Variants in CTNNA3 observed in about 807,000 individuals in gnomAD.
CTNNA3 encodes the protein catenin alpha 3, also known as catenin alpha-3.
In CTNNA3, 76 loss-of-function variants were observed where a neutral mutation model predicts 95.7. The ratio of observed to expected loss-of-function variants is 0.79; its 90% CI spans 0.66 to 0.96. The LOEUF is 0.96. Ranked by LOEUF, CTNNA3 falls within the 40% of genes least tolerant of loss-of-function variation. The pLI is 0.00. For missense variants in CTNNA3, 1,191 were observed against 1,089.8 expected (o/e 1.09, Z -1.31); for synonymous variants, 431 against 374.4 (o/e 1.15, Z -1.74).
At chr10:66,174,281 A>G (rs940402178) in intron 13 of CTNNA3, among the ~76,000 whole-genome samples, 5 of 152,150 alleles carry the variant, frequency 3.3e-5, no homozygotes, top group African/African-American at 1.2e-4. Context: ...AGTTTGGAAA[A>G]TGGTAAAATA....
intron 7 of CTNNA3, among the ~76,000 whole-genome samples, chr10:67,076,644 T>C (rs1399525938): frequency 1.3e-5 from 2 of 152,098 alleles, no homozygotes; most frequent in Admixed American, 1.3e-4. Flanking sequence ...AAACCAAAGA[T>C]AAATAAGGCA....
At chr10:66,320,771 A>G (rs1266966385) in intron 12 of CTNNA3, among the ~76,000 whole-genome samples, 1 of 152,162 alleles carries the variant, frequency 6.6e-6, no homozygotes, top group Non-Finnish European at 1.5e-5. Context: ...CACCATAAAA[A>G]AGAGAAAATA....
intron 7 of CTNNA3, among the ~76,000 whole-genome samples, chr10:66,785,515 G>A (rs1159954420): frequency 6.6e-6 from 1 of 152,096 alleles, no homozygotes; most frequent in Non-Finnish European, 1.5e-5. Context: ...TGCCCTCAGA[G>A]CTCTCCTGGT....
chr10:67,121,167 T>C (rs1859445790), intron 7 of CTNNA3, among the ~76,000 whole-genome samples: 1 of 152,060 alleles, frequency 6.6e-6, no homozygotes, highest in African/African-American at 2.4e-5. Flanking sequence ...TGGTCAATTC[T>C]GTCATAAAGC....
chr10:66,312,559 T>A (rs2092036076), intron 12 of CTNNA3, among the ~76,000 whole-genome samples: 1 of 151,988 alleles, frequency 6.6e-6, no homozygotes. Context: ...AGATTGTTTT[T>A]TTTTTTTAGA....
At chr10:66,555,642 T>C in intron 10 of CTNNA3, among the ~76,000 whole-genome samples, 1 of 152,128 alleles carries the variant, frequency 6.6e-6, no homozygotes, top group East Asian at 1.9e-4. Flanking sequence ...AAGGTGATAT[T>C]TTAAGCAATA....
chr10:67,309,318 A>G (rs769391326), intron 5 of CTNNA3, among the ~76,000 whole-genome samples: 1 of 152,192 alleles, frequency 6.6e-6, no homozygotes, highest in Non-Finnish European at 1.5e-5. Flanking sequence ...GTGAAATACT[A>G]TGTCATCTTA....
At chr10:66,780,409 A>G (rs76295962) in intron 7 of CTNNA3, among the ~76,000 whole-genome samples, 97,859 of 151,432 alleles carry the variant, frequency 0.65, 31,817 homozygotes, top group East Asian at 0.76. Flanking sequence ...TCTATAATAG[A>G]GTAACCTGGG....
intron 7 of CTNNA3, among the ~76,000 whole-genome samples, chr10:66,915,776 G>T (rs557790525): frequency 6.9e-6 from 1 of 144,468 alleles, no homozygotes; most frequent in African/African-American, 2.6e-5. Flanking sequence ...TTTAGATGGA[G>T]CCTCGCTCTG....
chr10:66,729,900 C>T lies in CTNNA3; in HGVS notation c.1281+36364G>A, dbSNP rs1466730241. Among the ~76,000 whole-genome samples, 5 of 150,668 alleles carry T rather than the reference C, an allele frequency of 3.3e-5. No homozygotes were observed. In the East Asian group the frequency reaches 7.8e-4, roughly 24 times the overall value. ...CGGGCGGATCACGAGGTCAGGAGAT[C>T]GAGACCATCCTGGCTAATGCGGTGA... is the stretch of plus-strand genomic sequence containing the variant. On this transcript the variant is annotated intron_variant, in intron 9 of 17. Transcript: ENST00000433211.
intron 9 of CTNNA3, among the ~76,000 whole-genome samples, chr10:66,737,865 G>T (rs376472436): frequency 1.3e-5 from 2 of 151,984 alleles, no homozygotes; most frequent in Admixed American, 1.3e-4. Context: ...CACCATGTTG[G>T]CCAGGATAGT....
chr10:67,530,026 A>T (rs1840279453), intron 4 of CTNNA3, among the ~76,000 whole-genome samples: 1 of 152,192 alleles, frequency 6.6e-6, no homozygotes, highest in South Asian at 2.1e-4. Context: ...CATCCACATC[A>T]GATGTGACTT....
Position 66,352,331 on chromosome 10 carries a change from A to T in CTNNA3, c.1732+26821T>A, listed in dbSNP as rs534842764. 2.6e-5 allele frequency among the ~76,000 whole-genome samples: 4 copies of T among 152,234 alleles called. No individual in the cohort carries two copies. In the South Asian group the frequency reaches 8.3e-4, roughly 32 times the overall value. On this transcript the variant is annotated intron_variant, in intron 12 of 17. Coordinates refer to ENST00000433211, the MANE Select transcript of CTNNA3 (RefSeq NM_013266.4). The stretch of plus-strand genomic sequence containing the variant: ...AGTGGGGAAGGAACATACACAATGA[A>T]CTATTGTGATCAAAACATAGACAAA...
intron 7 of CTNNA3, among the ~76,000 whole-genome samples, chr10:67,125,743 T>C (rs1859693237): frequency 6.6e-6 from 1 of 152,226 alleles, no homozygotes; most frequent in South Asian, 2.1e-4. Flanking sequence ...TTGTATGGCC[T>C]GGACAGAGTG....
chr10:66,910,776 G>C (rs1201837430), intron 7 of CTNNA3, among the ~76,000 whole-genome samples: 1 of 152,146 alleles, frequency 6.6e-6, no homozygotes, highest in African/African-American at 2.4e-5. Context: ...TTTGGTTTCC[G>C]CTCTTCTTGA....
At chr10:67,030,837 C>G (rs1853675597) in intron 7 of CTNNA3, among the ~76,000 whole-genome samples, 1 of 152,058 alleles carries the variant, frequency 6.6e-6, no homozygotes, top group Non-Finnish European at 1.5e-5. Context: ...AACCCCGTCT[C>G]TACTAAAAAT....
intron 1 of CTNNA3, among the ~76,000 whole-genome samples, chr10:67,716,343 TTTAAG>T (rs1841142890): frequency 6.6e-6 from 1 of 152,176 alleles, no homozygotes; most frequent in Non-Finnish European, 1.5e-5. Flanking sequence ...TTTTTAATAC[TTTAAG>T]TTCTAGGATA....
rs745758295 is a variant in CTNNA3 at position 67,647,499 on chromosome 10, T to C, written c.15A>G (p.Thr5=). The change falls in exon 2 of 18, where the codon ACA becomes ACG. Residue 5 remains threonine, a synonymous_variant. Transcript: ENST00000433211. ...GAGGATCGATATTCAATGTGATTGGTGTTTCAGCTGACATGCTGCCTGTGC... is the reference window on the plus strand; with the variant it reads ...GAGGATCGATATTCAATGTGATTGGCGTTTCAGCTGACATGCTGCCTGTGC... MSAE[T]PITLNIDPQD... 1 of 1,613,242 alleles carries C rather than the reference T, an allele frequency of 6.2e-7. No homozygotes were observed.
chr10:66,239,190 G>C (rs2089995831), intron 13 of CTNNA3, among the ~76,000 whole-genome samples: 1 of 150,382 alleles, frequency 6.6e-6, no homozygotes, highest in Non-Finnish European at 1.5e-5. Context: ...ATAATTAATT[G>C]ATTAAGTACA....
Sources: allele counts gnomAD v4.1 joint callset (sites outside exome capture counted in the v4.1 genomes callset), GRCh38; gene constraint gnomAD v4.1.1; transcripts MANE v1.5; gene names NCBI Gene and HGNC (gene_info 2026-07-23, HGNC 2026-07-21).